Variants in PTPRD observed in about 807,000 individuals in gnomAD.
The protein encoded by PTPRD is protein tyrosine phosphatase receptor type D, also known as receptor-type tyrosine-protein phosphatase delta.
Under a neutral mutation model 214.5 loss-of-function variants are expected in PTPRD, and 34 were observed. The ratio of observed to expected loss-of-function variants is 0.16; its 90% CI spans 0.12 to 0.21. The LOEUF is 0.21. Among genes scored for constraint, PTPRD ranks in the 10% least tolerant of loss-of-function variants. The pLI is 1.00. For synonymous variants in PTPRD, 1,128 were observed against 845.7 expected (o/e 1.33, Z -5.79); for missense variants, 2,545 against 2,398.7 (o/e 1.06, Z -1.27).
chr9:9,167,538 T>C (rs1335507039), intron 10 of PTPRD, among the ~76,000 whole-genome samples: 1 of 152,058 alleles, frequency 6.6e-6, no homozygotes, highest in African/African-American at 2.4e-5. Flanking sequence ...GTGGATCACC[T>C]GAGATCGGGA....
chr9:9,928,058 C>G (rs1051358013), intron 5 of PTPRD, among the ~76,000 whole-genome samples: 4 of 152,116 alleles, frequency 2.6e-5, no homozygotes, highest in Non-Finnish European at 4.4e-5. Flanking sequence ...GTTTCATCTT[C>G]TGATCATTTT....
At chr9:8,565,289 A>T (rs921043388) in intron 14 of PTPRD, among the ~76,000 whole-genome samples, 10 of 152,166 alleles carry the variant, frequency 6.6e-5, no homozygotes, top group African/African-American at 2.4e-4. Context: ...ATCAACTGCT[A>T]TTTTAAATTT....
chr9:9,236,334 C>T (rs2099966702), intron 9 of PTPRD, among the ~76,000 whole-genome samples: 1 of 151,978 alleles, frequency 6.6e-6, no homozygotes, highest in Non-Finnish European at 1.5e-5. Flanking sequence ...TTTCTGATAC[C>T]TATGGGAAAA....
At chr9:10,014,855 A>G (rs1415924640) in intron 4 of PTPRD, among the ~76,000 whole-genome samples, 3 of 152,050 alleles carry the variant, frequency 2.0e-5, no homozygotes, top group Non-Finnish European at 4.4e-5. Context: ...TTTTTCTTCT[A>G]TCCTTAAATT....
intron 3 of PTPRD, among the ~76,000 whole-genome samples, chr9:10,202,029 T>C (rs1315415743): frequency 6.6e-6 from 1 of 152,012 alleles, no homozygotes; most frequent in Non-Finnish European, 1.5e-5. Flanking sequence ...ATCATTCAGA[T>C]GAAAGAAATA....
At chr9:9,181,561 T>C (rs1397121942) in intron 10 of PTPRD, among the ~76,000 whole-genome samples, 6 of 152,026 alleles carry the variant, frequency 3.9e-5, no homozygotes, top group African/African-American at 1.4e-4. Context: ...GCAGCTTTCA[T>C]ATATGAACTC....
At chr9:9,928,059 T>C (rs2084972696) in intron 5 of PTPRD, among the ~76,000 whole-genome samples, 1 of 152,190 alleles carries the variant, frequency 6.6e-6, no homozygotes, top group Admixed American at 6.5e-5. Flanking sequence ...TTTCATCTTC[T>C]GATCATTTTC....
intron 2 of PTPRD, among the ~76,000 whole-genome samples, chr9:10,481,903 T>A (rs1404550588): frequency 6.6e-6 from 1 of 152,106 alleles, no homozygotes; most frequent in Non-Finnish European, 1.5e-5. Flanking sequence ...AATTGAAAAT[T>A]AAGTGTAAAA....
rs550978067 is a variant in PTPRD at position 9,431,186 on chromosome 9, A to T, written c.-236-33704T>A. Reference sequence around the variant, plus strand: ...AAGGGCTAATATCCAGAATCTACAAAGAACTTAAACAAATTTACAAGAAAA... The same window carrying T: ...AAGGGCTAATATCCAGAATCTACAATGAACTTAAACAAATTTACAAGAAAA... On this transcript the variant is annotated intron_variant, in intron 8 of 45. Transcript: ENST00000381196. Among the ~76,000 whole-genome samples, 20 of 152,230 alleles carry T rather than the reference A, an allele frequency of 1.3e-4. No individual in the cohort carries two copies. In the South Asian group the frequency reaches 2.1e-3, roughly 16 times the overall value.
chr9:9,108,660 C>T (rs974206729), intron 10 of PTPRD, among the ~76,000 whole-genome samples: 1 of 152,126 alleles, frequency 6.6e-6, no homozygotes, highest in Non-Finnish European at 1.5e-5. Context: ...AAATGCTTTA[C>T]CCAAGAGTAA....
chr9:10,034,037 T>C (rs894492581), intron 3 of PTPRD, among the ~76,000 whole-genome samples: 1 of 152,118 alleles, frequency 6.6e-6, no homozygotes, highest in African/African-American at 2.4e-5. Context: ...ATCAATATCA[T>C]TAAAATGGCT....
intron 9 of PTPRD, among the ~76,000 whole-genome samples, chr9:9,211,445 T>C (rs1316343275): frequency 1.3e-5 from 2 of 151,838 alleles, no homozygotes; most frequent in African/African-American, 2.4e-5. Context: ...TGTATAAATA[T>C]TAGCTTTCAT....
At chr9:10,465,110 G>C (rs543505194) in intron 2 of PTPRD, among the ~76,000 whole-genome samples, 1 of 152,086 alleles carries the variant, frequency 6.6e-6, no homozygotes, top group African/African-American at 2.4e-5. Context: ...GCCTTGGAAG[G>C]TATCAGATTA....
chr9:8,979,634 A>T (rs2154339311), intron 11 of PTPRD, among the ~76,000 whole-genome samples: 1 of 152,256 alleles, frequency 6.6e-6, no homozygotes, highest in African/African-American at 2.4e-5. Flanking sequence ...TTATATGAAA[A>T]GTTGCTCAAC....
intron 8 of PTPRD, among the ~76,000 whole-genome samples, chr9:9,529,047 C>T (rs2074857128): frequency 6.6e-6 from 1 of 151,226 alleles, no homozygotes; most frequent in South Asian, 2.1e-4. Context: ...CAAGCTCAGC[C>T]TCAGCCTCCA....
At chr9:9,906,783 C>G (rs1013347137) in intron 5 of PTPRD, among the ~76,000 whole-genome samples, 4 of 151,872 alleles carry the variant, frequency 2.6e-5, no homozygotes, top group Admixed American at 1.3e-4. Flanking sequence ...TTTTTTGTTA[C>G]AGACCACTGT....
At chr9:8,739,617 G>A (rs1350078279) in intron 11 of PTPRD, among the ~76,000 whole-genome samples, 1 of 152,156 alleles carries the variant, frequency 6.6e-6, no homozygotes, top group East Asian at 1.9e-4. Flanking sequence ...TGAGAATTCT[G>A]AGTTCTCGTA....
chr9:9,051,969 T>G (rs1460965941), intron 10 of PTPRD, among the ~76,000 whole-genome samples: 1 of 152,230 alleles, frequency 6.6e-6, no homozygotes, highest in African/African-American at 2.4e-5. Flanking sequence ...GCAACTGTTT[T>G]ACTTATCTTC....
intron 7 of PTPRD, among the ~76,000 whole-genome samples, chr9:9,719,659 G>A (rs887486958): frequency 5.3e-5 from 8 of 152,296 alleles, no homozygotes; most frequent in Admixed American, 3.3e-4. Flanking sequence ...CTCACAGCTC[G>A]CTATGCTGCG....
Sources: gnomAD v4.1 joint callset for allele counts (sites outside exome capture counted in the v4.1 genomes callset) on GRCh38, gnomAD v4.1.1 for gene constraint, MANE v1.5 for transcripts, NCBI Gene and HGNC (gene_info 2026-07-23, HGNC 2026-07-21) for gene names.